SGCZ: variants seen among roughly 807,000 people sequenced by gnomAD.
SGCZ encodes sarcoglycan zeta, also known as zeta-sarcoglycan.
Under a neutral mutation model 41.3 loss-of-function variants are expected in SGCZ, and 40 were observed. The ratio of observed to expected loss-of-function variants is 0.97; its 90% CI spans 0.75 to 1.26. The LOEUF is 1.26. Ranked by LOEUF, SGCZ falls within the 50% of genes most tolerant of loss-of-function variation. The pLI, the probability that SGCZ is intolerant of heterozygous loss-of-function variation, is 0.00. For missense variants in SGCZ, 552 were observed against 369.8 expected (o/e 1.49, Z -4.04); for synonymous variants, 206 against 137.5 (o/e 1.50, Z -3.49).
At chr8:14,339,149 A>C (rs1347862368) in intron 2 of SGCZ, among the ~76,000 whole-genome samples, 1 of 152,190 alleles carries the variant, frequency 6.6e-6, no homozygotes, top group African/African-American at 2.4e-5. Flanking sequence ...CTACGAAAGC[A>C]CTTTACTTCT....
chr8:14,331,587 A>G (rs1442241237), intron 2 of SGCZ, among the ~76,000 whole-genome samples: 2 of 152,058 alleles, frequency 1.3e-5, no homozygotes, highest in Non-Finnish European at 2.9e-5. Flanking sequence ...CAGACCTAGG[A>G]ATTTGACCTC....
chr8:14,838,240 G>T (rs1563305508), intron 1 of SGCZ, among the ~76,000 whole-genome samples: 1 of 152,092 alleles, frequency 6.6e-6, no homozygotes, highest in South Asian at 2.1e-4. Flanking sequence ...ATAGGGGCTA[G>T]TGTTCAGTAG....
At chr8:14,891,123 G>A (rs1585353731) in intron 1 of SGCZ, among the ~76,000 whole-genome samples, 2 of 152,176 alleles carry the variant, frequency 1.3e-5, no homozygotes, top group African/African-American at 4.8e-5. Flanking sequence ...AACCTCCCTT[G>A]TGCAGCCCAT....
In SGCZ at chr8:14,090,374, C is replaced by G; in HGVS notation, c.*69G>C. On this transcript the variant is annotated 3_prime_UTR_variant, in exon 8 of 8. Transcript: ENST00000382080. ...AGCTCTGGACTGATCACAAGGGAAACCGAGCAGAACTGTGAAGCAGACGGA... is the reference window on the plus strand; with the variant it reads ...AGCTCTGGACTGATCACAAGGGAAAGCGAGCAGAACTGTGAAGCAGACGGA... 7 of 1,517,398 alleles carry G rather than the reference C, an allele frequency of 4.6e-6. No homozygotes were observed. In the South Asian group the frequency reaches 9.0e-5, roughly 20 times the overall value. 94.0% of individuals were successfully genotyped at this position (1,517,398 alleles called of 1,614,324 possible). A position where few individuals can be genotyped will look rare whatever the true frequency, so the allele number is the denominator to read the frequency against.
intron 4 of SGCZ, among the ~76,000 whole-genome samples, chr8:14,175,564 A>AT (rs1804518080): frequency 2.0e-5 from 3 of 152,094 alleles, no homozygotes; most frequent in African/African-American, 4.8e-5. Flanking sequence ...TGGTAAATCA[A>AT]ATTTTTACTT....
At chr8:14,374,887 T>G (rs756830976) in intron 2 of SGCZ, among the ~76,000 whole-genome samples, 9 of 152,140 alleles carry the variant, frequency 5.9e-5, no homozygotes, top group Admixed American at 3.9e-4. Context: ...CTAAGCATTG[T>G]TCAAATTTCA....
At chr8:14,999,778 T>C (rs375217487) in intron 1 of SGCZ, among the ~76,000 whole-genome samples, 6 of 152,162 alleles carry the variant, frequency 3.9e-5, no homozygotes, top group Non-Finnish European at 7.3e-5. Flanking sequence ...CCAACTCCCA[T>C]GCACCATGCA....
At chr8:14,610,743 G>C (rs900257481) in intron 1 of SGCZ, among the ~76,000 whole-genome samples, 1 of 152,138 alleles carries the variant, frequency 6.6e-6, no homozygotes, top group African/African-American at 2.4e-5. Context: ...ATAACACACA[G>C]ACACTGCCTC....
chr8:14,240,288 A>C (rs1259220159), intron 3 of SGCZ, among the ~76,000 whole-genome samples: 7 of 141,116 alleles, frequency 5.0e-5, no homozygotes, highest in Non-Finnish European at 1.1e-4. Flanking sequence ...AGATTGCACC[A>C]CTGCACTCCA....
At chr8:15,115,017 A>T (rs964953990) in intron 1 of SGCZ, among the ~76,000 whole-genome samples, 1 of 152,214 alleles carries the variant, frequency 6.6e-6, no homozygotes, top group African/African-American at 2.4e-5. Context: ...AAAACTGGCC[A>T]TATTGAAAAA....
intron 1 of SGCZ, among the ~76,000 whole-genome samples, chr8:14,618,791 T>C (rs767172862): frequency 3.0e-4 from 46 of 152,130 alleles, no homozygotes; most frequent in Admixed American, 1.0e-3. Context: ...GTATATGTAA[T>C]AATTTTAAGA....
intron 1 of SGCZ, among the ~76,000 whole-genome samples, chr8:14,608,311 T>C (rs1459174548): frequency 6.6e-6 from 1 of 151,872 alleles, no homozygotes; most frequent in East Asian, 1.9e-4. Flanking sequence ...TGTTTTGAAT[T>C]ACTTGAGGCT....
chr8:14,677,794 A>C (rs1333890758), intron 1 of SGCZ, among the ~76,000 whole-genome samples: 1 of 152,134 alleles, frequency 6.6e-6, no homozygotes, highest in African/African-American at 2.4e-5. Context: ...ATAAATAAAT[A>C]AATAAATAAG....
chr8:14,583,017 T>C (rs1205671779), intron 1 of SGCZ, among the ~76,000 whole-genome samples: 1 of 151,550 alleles, frequency 6.6e-6, no homozygotes. Flanking sequence ...CCTTTGGGTA[T>C]ATACCCAGTA....
chr8:14,176,226 C>T (rs1018198417), intron 4 of SGCZ, among the ~76,000 whole-genome samples: 10 of 152,120 alleles, frequency 6.6e-5, no homozygotes, highest in African/African-American at 1.4e-4. Flanking sequence ...CCATAAAGTA[C>T]TTCTTTTCAA....
chr8:14,795,834 C>G (rs1426095174), intron 1 of SGCZ, among the ~76,000 whole-genome samples: 6 of 152,140 alleles, frequency 3.9e-5, no homozygotes, highest in Admixed American at 6.6e-5. Context: ...CCACCCTCCA[C>G]CCTCCGAAAG....
chr8:14,368,686 T>C (rs965729098), intron 2 of SGCZ, among the ~76,000 whole-genome samples: 5 of 152,024 alleles, frequency 3.3e-5, no homozygotes, highest in East Asian at 3.9e-4. Flanking sequence ...TTCCTTATGA[T>C]GGTAAAGTGA....
intron 2 of SGCZ, among the ~76,000 whole-genome samples, chr8:14,514,673 ATATATATACG>A (rs1331826515): frequency 6.8e-6 from 1 of 147,748 alleles, no homozygotes; most frequent in African/African-American, 2.5e-5. Flanking sequence ...ATATATGTAA[ATATATATACG>A]TATATATTTA....
At chr8:14,252,065 G>T (rs962038784) in intron 3 of SGCZ, among the ~76,000 whole-genome samples, 1 of 151,976 alleles carries the variant, frequency 6.6e-6, no homozygotes, top group African/African-American at 2.4e-5. Flanking sequence ...CTCTTCAATA[G>T]GGCCTCTTCT....
Sources: gnomAD v4.1 joint callset for allele counts (sites outside exome capture counted in the v4.1 genomes callset) on GRCh38, gnomAD v4.1.1 for gene constraint, MANE v1.5 for transcripts, NCBI Gene and HGNC (gene_info 2026-07-23, HGNC 2026-07-21) for gene names.